Variants in TIAM2 observed in about 807,000 individuals in gnomAD.
TIAM2 encodes the protein TIAM Rac1 associated GEF 2.
A neutral mutation model predicts 152.9 loss-of-function variants in TIAM2; 80 were observed. The observed-to-expected ratio is 0.52, with a 90% CI of 0.44 to 0.63. The LOEUF is 0.63. TIAM2 is among the 30% of genes least tolerant of loss of function. The probability of loss-of-function intolerance (pLI) is 0.00; values close to 1 mark genes in which losing one functional copy is unlikely to be tolerated. For synonymous variants in TIAM2, 804 were observed against 838.0 expected (o/e 0.96, Z 0.70); for missense variants, 1,965 against 2,120.1 (o/e 0.93, Z 1.44).
chr6:155,249,403 T>C (rs1301280423), intron 20 of TIAM2, among the ~76,000 whole-genome samples: 2 of 152,158 alleles, frequency 1.3e-5, no homozygotes. Flanking sequence ...CAGTCAGGCT[T>C]GGGTTTGAAG....
intron 1 of TIAM2, among the ~76,000 whole-genome samples, chr6:155,032,970 A>C (rs187677822): frequency 3.3e-5 from 5 of 152,350 alleles, no homozygotes; most frequent in Non-Finnish European, 7.3e-5. Context: ...GCTATGTGTT[A>C]ATTCTACGAC....
At chr6:155,147,875 C>G (rs1209589809) in intron 6 of TIAM2, among the ~76,000 whole-genome samples, 1 of 152,192 alleles carries the variant, frequency 6.6e-6, no homozygotes, top group Non-Finnish European at 1.5e-5. Flanking sequence ...GCACTCGTTT[C>G]TGGTTTTAGT....
At chr6:155,058,213 G>A (rs532659186) in intron 1 of TIAM2, among the ~76,000 whole-genome samples, 50 of 152,274 alleles carry the variant, frequency 3.3e-4, no homozygotes, top group Non-Finnish European at 5.4e-4. Flanking sequence ...CTAATGGGAT[G>A]TTGGTATTTC....
intron 8 of TIAM2, among the ~76,000 whole-genome samples, chr6:155,164,964 C>G (rs899450330): frequency 6.6e-6 from 1 of 152,124 alleles, no homozygotes; most frequent in South Asian, 2.1e-4. Flanking sequence ...AGCGCCCCAT[C>G]AGGTTTTTTG....
At chr6:155,146,673 G>A (rs1779825357) in intron 6 of TIAM2, among the ~76,000 whole-genome samples, 1 of 151,786 alleles carries the variant, frequency 6.6e-6, no homozygotes, top group South Asian at 2.1e-4. Flanking sequence ...TCAGCTCACT[G>A]CAACCTCTGC....
intron 1 of TIAM2, among the ~76,000 whole-genome samples, chr6:155,077,057 T>A (rs777232493): frequency 3.3e-5 from 5 of 152,226 alleles, no homozygotes; most frequent in Non-Finnish European, 5.9e-5. Context: ...TATGAATACA[T>A]TTGTCATAAC....
Position 155,148,220 on chromosome 6 carries a change from C to A in TIAM2, c.1914C>A (p.Asn638Lys). The A allele has an allele frequency of 1.2e-6, 2 of 1,613,114 alleles. No homozygotes were observed. The highest frequency in any genetic ancestry group is 1.7e-6 in the Non-Finnish European group (2 of 1,180,020). ...AGGACACGCTGCGGCTGCTGAAGAA[C>A]CAGACCAAAAACCTGCTTCAGAAGA... ...GKEDTLRLLK[N>K]QTKNLLQKID... is the part of the protein sequence containing the mutation. The change falls in exon 7 of 27, where the codon AAC (asparagine) becomes AAA (lysine). Residue 638 changes from asparagine (N) to lysine (K), a missense_variant. Asn to Lys is a moderately conservative substitution (Grantham distance 94, BLOSUM62 0). Around this residue, in one of 3 missense-constraint regions of TIAM2, gnomAD observed 1,025 missense variants for 1,119.4 expected, o/e 0.92. Coordinates refer to ENST00000682666, the MANE Select transcript of TIAM2 (RefSeq NM_012454.4).
chr6:155,242,153 G>GC (rs1296093461), intron 16 of TIAM2, among the ~76,000 whole-genome samples: 1 of 152,140 alleles, frequency 6.6e-6, no homozygotes, highest in South Asian at 2.1e-4. Context: ...GCAGCCCTTT[G>GC]CCCCCCGCAG....
At chr6:155,068,343 T>C (rs567880097) in intron 1 of TIAM2, among the ~76,000 whole-genome samples, 1 of 152,228 alleles carries the variant, frequency 6.6e-6, no homozygotes. Context: ...TTTCTCTGTC[T>C]TTTATCAATC....
At position 155,218,891 on chromosome 6, in the gene TIAM2, CCGCCCACCCG is replaced by C; in HGVS notation, c.3168+7585_3168+7594del. ...CCACCCGTGTTCTTGACCATCTCAG[CCGCCCACCCG>C]TGTTCTTGACCATCTCAGCCGTGTT... On this transcript the variant is annotated intron_variant, in intron 15 of 26. Transcript: ENST00000682666. The surrounding 1 kb of genome is among the most constrained non-coding windows in gnomAD (Gnocchi z 4.5). 1.3e-5 allele frequency among the ~76,000 whole-genome samples: 2 copies of C among 149,806 alleles called. No homozygotes were observed. The highest frequency in any genetic ancestry group is 2.2e-4 in the South Asian group (1 of 4,608).
chr6:155,029,490 GTA>G (rs1776765207), intron 1 of TIAM2, among the ~76,000 whole-genome samples: 1 of 31,180 alleles, frequency 3.2e-5, no homozygotes, highest in African/African-American at 1.3e-4. Flanking sequence ...ATATACTATA[GTA>G]TATATTATAT....
chr6:155,060,230 C>A (rs1162093341), intron 1 of TIAM2, among the ~76,000 whole-genome samples: 1 of 151,834 alleles, frequency 6.6e-6, no homozygotes, highest in Non-Finnish European at 1.5e-5. Flanking sequence ...GTGGAGAAAC[C>A]CCGTCTCTAC....
intron 15 of TIAM2, among the ~76,000 whole-genome samples, chr6:155,224,539 G>A (rs1782173381): frequency 6.6e-6 from 1 of 152,170 alleles, no homozygotes; most frequent in East Asian, 1.9e-4. Flanking sequence ...ATGAAGAAAA[G>A]GGCAAGAAAA....
chr6:155,156,842 G>A lies in TIAM2; in HGVS notation c.2029-7573G>A, dbSNP rs764995309. Among the ~76,000 whole-genome samples the A allele has an allele frequency of 1.3e-5, 2 of 152,092 alleles. No homozygotes were observed. The highest frequency in any genetic ancestry group is 2.9e-5 in the Non-Finnish European group (2 of 68,018). On this transcript the variant is annotated intron_variant, in intron 7 of 26. Coordinates refer to ENST00000682666, the MANE Select transcript of TIAM2 (RefSeq NM_012454.4). The surrounding 1 kb of genome is among the most constrained non-coding windows in gnomAD (Gnocchi z 4.4). ...GGACTCCTGTGCTGTGCACAAATGTGCCCTGCTCCCCTCCGCCCTCTTCAT... is the reference window on the plus strand; with the variant it reads ...GGACTCCTGTGCTGTGCACAAATGTACCCTGCTCCCCTCCGCCCTCTTCAT...
chr6:155,251,013 C>CA lies in TIAM2; in HGVS notation c.4053dup (p.Val1352SerfsTer5). On this transcript the variant is annotated frameshift_variant, in exon 22 of 27. Transcript: ENST00000682666. LOFTEE classifies it high-confidence loss of function. ...AAAGCTAGAAAGGACCTTGAGCTCA[C>CA]AGTATTTGGTTAGTATTCCATTCAG... is the stretch of plus-strand genomic sequence containing the variant. The CA allele has an allele frequency of 6.2e-7, 1 of 1,613,910 alleles. No individual in the cohort carries two copies. The highest frequency in any genetic ancestry group is 8.5e-7 in the Non-Finnish European group (1 of 1,179,844).
Position 155,148,283 on chromosome 6 carries a change from G to T in TIAM2, c.1977G>T (p.Leu659=). The T allele has an allele frequency of 6.2e-7, 1 of 1,612,316 alleles. No individual in the cohort carries two copies. Among genetic ancestry groups the T allele is most frequent in the Non-Finnish European group, 8.5e-7 (1 of 1,180,002 alleles). The part of the protein sequence containing the change: ...MDSKMKKMAE[L]QLSVVSDPKN... ...GCAAGATGAAGAAGATGGCAGAGCT[G>T]CAGCTGTCCGTGGTGAGCGACCCAA... The change falls in exon 7 of 27, where the codon CTG becomes CTT. Residue 659 remains leucine (L), a synonymous_variant. Transcript: ENST00000682666.
chr6:155,005,170 G>T, intron 1 of TIAM2: 1 of 228,996 alleles, frequency 4.4e-6, no homozygotes. Context: ...CTCATCAGCA[G>T]CTTGTCCCTC....
intron 1 of TIAM2, among the ~76,000 whole-genome samples, chr6:155,006,540 C>T (rs893153139): frequency 1.3e-5 from 2 of 151,636 alleles, no homozygotes; most frequent in Admixed American, 1.3e-4. Flanking sequence ...GTGGCGCATG[C>T]CTGTAATCCC....
Position 155,240,697 on chromosome 6 carries a change from G to A in TIAM2, c.3336G>A (p.Lys1112=), listed in dbSNP as rs780176860. Residue 1112 remains lysine (K), a synonymous_variant, in exon 16 of 27, where the codon AAG becomes AAA. Transcript: ENST00000682666. ...KVIQELVDTE[K]SYVKDLSCLF... ...TCCAGGAGCTTGTGGACACAGAGAA[G>A]TCCTACGTGAAGGTAAGGGAAGAGC... 4.3e-6 allele frequency: 7 copies of A among 1,611,922 alleles called. No homozygotes were observed. The South Asian group carries it at 7.7e-5, about 18-fold the overall frequency.
Sources: gnomAD v4.1 joint callset for allele counts (sites outside exome capture counted in the v4.1 genomes callset) on GRCh38, gnomAD v4.1.1 for gene constraint, gnomAD v4.1.1 regional missense constraint, Gnocchi (gnomAD v3.1) non-coding constraint, MANE v1.5 for transcripts, NCBI Gene and HGNC (gene_info 2026-07-23, HGNC 2026-07-21) for gene names.